Variants in WDR7 observed in about 807,000 individuals in gnomAD.
WDR7 encodes the protein WD repeat-containing protein 7.
Under a neutral mutation model 169.4 loss-of-function variants are expected in WDR7, and 46 were observed. The observed-to-expected ratio is 0.27, with a 90% CI of 0.21 to 0.35. The LOEUF is 0.35. WDR7 is among the 10% of genes least tolerant of loss of function. The pLI is 1.00. For missense variants in WDR7, 1,534 were observed against 1,859.3 expected, an observed-to-expected ratio of 0.83 and a Z score of 3.22; for synonymous variants, 612 against 666.8, an observed-to-expected ratio of 0.92 and a Z score of 1.27.
At chr18:56,902,901 TTC>T in intron 21 of WDR7, among the ~76,000 whole-genome samples, 1 of 152,312 alleles carries the variant, frequency 6.6e-6, no homozygotes. Context: ...GATTTTTTCA[TTC>T]TCTCAAAAAT....
intron 16 of WDR7, among the ~76,000 whole-genome samples, chr18:56,767,634 A>G (rs769035004): frequency 1.5e-4 from 23 of 152,160 alleles, no homozygotes; most frequent in Admixed American, 2.6e-4. Flanking sequence ...TTGTTACTCC[A>G]TCTTGGCCAG....
intron 1 of WDR7, among the ~76,000 whole-genome samples, chr18:56,652,567 C>A (rs2024679890): frequency 1.3e-5 from 2 of 152,080 alleles, no homozygotes; most frequent in African/African-American, 4.8e-5. Context: ...TGTTGAAATG[C>A]CCTCATTATT....
At chr18:56,903,468 G>A (rs1048506482) in intron 21 of WDR7, among the ~76,000 whole-genome samples, 2 of 152,044 alleles carry the variant, frequency 1.3e-5, no homozygotes, top group Admixed American at 6.6e-5. Context: ...CACCCAGGCT[G>A]GAATGCAGTG....
At chr18:57,025,255 A>T (rs1048043202) in intron 27 of WDR7, among the ~76,000 whole-genome samples, 2 of 152,232 alleles carry the variant, frequency 1.3e-5, no homozygotes, top group Non-Finnish European at 2.9e-5. Flanking sequence ...AATACCTTGT[A>T]GTTATTTATC....
intron 7 of WDR7, 85 bp from the exon 8 acceptor site, chr18:56,691,131 G>A (rs2025559258): frequency 6.6e-7 from 1 of 1,513,944 alleles, no homozygotes; most frequent in Non-Finnish European, 8.8e-7. Context: ...ACATTTCCAG[G>A]CTTTTTTTTT....
chr18:56,905,890 A>G (rs1022339202), intron 21 of WDR7, among the ~76,000 whole-genome samples: 3 of 152,212 alleles, frequency 2.0e-5, no homozygotes, highest in Non-Finnish European at 4.4e-5. Context: ...TCATTTTTGA[A>G]TGATGCTAGG....
At chr18:56,763,318 A>G (rs1245615910) in intron 16 of WDR7, among the ~76,000 whole-genome samples, 4 of 152,154 alleles carry the variant, frequency 2.6e-5, no homozygotes, top group Non-Finnish European at 5.9e-5. Flanking sequence ...AAAAATTATG[A>G]ATAGATGTTA....
At chr18:56,797,623 T>C (rs76003832) in intron 19 of WDR7, among the ~76,000 whole-genome samples, 4 of 152,108 alleles carry the variant, frequency 2.6e-5, no homozygotes, top group Non-Finnish European at 5.9e-5. Context: ...GATATTCTGA[T>C]TTCAATTCTT....
At chr18:56,655,686 G>A (rs1231233244) in intron 1 of WDR7, among the ~76,000 whole-genome samples, 2 of 149,976 alleles carry the variant, frequency 1.3e-5, no homozygotes, top group East Asian at 2.0e-4. Flanking sequence ...TTTTCTTCAT[G>A]TTACCTCTTT....
At chr18:56,760,770 A>T (rs1473805208) in intron 16 of WDR7, among the ~76,000 whole-genome samples, 1 of 152,244 alleles carries the variant, frequency 6.6e-6, no homozygotes, top group Non-Finnish European at 1.5e-5. Flanking sequence ...ACTGATATAC[A>T]TTCATCACAA....
chr18:56,919,587 A>G (rs922166030), intron 21 of WDR7, among the ~76,000 whole-genome samples: 1 of 152,222 alleles, frequency 6.6e-6, no homozygotes, highest in Non-Finnish European at 1.5e-5. Context: ...TTCTGAATCC[A>G]TAGTTGGTAG....
intron 26 of WDR7, among the ~76,000 whole-genome samples, chr18:56,982,788 T>C (rs1186341748): frequency 2.0e-5 from 3 of 152,210 alleles, no homozygotes; most frequent in Non-Finnish European, 4.4e-5. Context: ...CTTCTGCTCA[T>C]GTTAGGTGAA....
At chr18:56,953,530 A>G (rs957035028) in intron 25 of WDR7, among the ~76,000 whole-genome samples, 6 of 152,238 alleles carry the variant, frequency 3.9e-5, no homozygotes, top group East Asian at 3.9e-4. Flanking sequence ...AATTCATTCA[A>G]TTCTTCGTTT....
intron 20 of WDR7, among the ~76,000 whole-genome samples, chr18:56,838,921 A>T (rs2045436447): frequency 6.6e-6 from 1 of 152,184 alleles, no homozygotes. Flanking sequence ...TTAAAGCAAG[A>T]CTTTTATTAC....
chr18:56,744,245 GAAA>G (rs58110613), intron 14 of WDR7, among the ~76,000 whole-genome samples: 131 of 86,880 alleles, frequency 1.5e-3, no homozygotes, highest in East Asian at 0.01. Flanking sequence ...TCTCAAAAAA[GAAA>G]AAAAAAAAAA....
chr18:57,032,369 C>A (rs2048445696), downstream of WDR7: 1 of 152,220 alleles, frequency 6.6e-6, no homozygotes, highest in Non-Finnish European at 1.5e-5. Context: ...TTGCCAATAT[C>A]TTCTTGTTCT....
chr18:56,833,508 A>G (rs1370181480), intron 20 of WDR7, among the ~76,000 whole-genome samples: 1 of 152,206 alleles, frequency 6.6e-6, no homozygotes, highest in Admixed American at 6.5e-5. Context: ...AAAGTCCTCT[A>G]GGTTTATAAT....
intron 21 of WDR7, among the ~76,000 whole-genome samples, chr18:56,906,199 G>T (rs141936698): frequency 2.0e-5 from 3 of 152,196 alleles, no homozygotes; most frequent in African/African-American, 7.2e-5. Context: ...AACTACAAAG[G>T]CTAGAAAACA....
intron 19 of WDR7, among the ~76,000 whole-genome samples, chr18:56,811,756 T>G (rs1331703607): frequency 1.3e-5 from 2 of 152,108 alleles, no homozygotes; most frequent in Non-Finnish European, 2.9e-5. Context: ...ATCGAATTGG[T>G]TTTGCACCTC....
Sources: allele counts gnomAD v4.1 joint callset (sites outside exome capture counted in the v4.1 genomes callset), GRCh38; gene constraint gnomAD v4.1.1; transcripts MANE v1.5; gene names NCBI Gene and HGNC (gene_info 2026-07-23, HGNC 2026-07-21).